The following ANK3 variants were observed in gnomAD, a reference collection of about 807,000 sequenced individuals.
ANK3 encodes ankyrin 3.
ANK3 carries 57 observed loss-of-function variants against 370.9 expected under a neutral mutation model. The observed-to-expected ratio is 0.15, with a 90% CI of 0.12 to 0.19. The LOEUF (loss-of-function observed/expected upper bound fraction) is 0.19, where lower values mean the gene tolerates loss of function less well. Among genes scored for constraint, ANK3 ranks in the 10% least tolerant of loss-of-function variants. The pLI is 1.00. For synonymous variants in ANK3, 1,929 were observed against 1,946.3 expected (o/e 0.99, Z 0.23); for missense variants, 4,439 against 5,302.1 (o/e 0.84, Z 5.06).
chr10:60,662,555 A>G (rs2078948115), intron 1 of ANK3, among the ~76,000 whole-genome samples: 2 of 152,200 alleles, frequency 1.3e-5, no homozygotes, highest in Non-Finnish European at 2.9e-5. Context: ...CACATTCATT[A>G]TTGTCTGTCA....
rs540687307 is a variant in ANK3 at position 60,429,123 on chromosome 10, C to T, written c.97-149484G>A. On this transcript the variant is annotated intron_variant, in intron 2 of 43. Coordinates refer to the ANK3 transcript ENST00000373827. Reference sequence around the variant, plus strand: ...AGGTATTTTATGACAGGCAAAAACCCAAGGGAATTCCAGAGCCTGCTGATA... The same window carrying T: ...AGGTATTTTATGACAGGCAAAAACCTAAGGGAATTCCAGAGCCTGCTGATA... Among the ~76,000 whole-genome samples, 4 of 152,228 alleles carry T rather than the reference C, an allele frequency of 2.6e-5. No individual in the cohort carries two copies. The East Asian group carries it at 7.7e-4, about 29-fold the overall frequency.
chr10:60,350,836 ATG>A (rs1371666124), intron 1 of ANK3, among the ~76,000 whole-genome samples: 40 of 152,140 alleles, frequency 2.6e-4, no homozygotes, highest in Non-Finnish European at 5.6e-4. Context: ...AAAGGTAATG[ATG>A]CTGCTGCTGC....
At chr10:60,240,153 T>TACATATATAC (rs1400607162) in intron 7 of ANK3, among the ~76,000 whole-genome samples, 13,909 of 132,122 alleles carry the variant, frequency 0.11, 1,087 homozygotes, top group East Asian at 0.28. Context: ...CACATATATA[T>TACATATATAC]ACATATATAC....
At chr10:60,172,446 T>C in intron 20 of ANK3, 43 bp from the exon 21 acceptor site, 1 of 1,546,778 alleles carries the variant, frequency 6.5e-7, no homozygotes, top group Admixed American at 1.7e-5. Context: ...CAAGCCTTAT[T>C]CCACATTTTT....
At chr10:60,111,780 T>C (rs1434208569) in intron 26 of ANK3, 3 of 455,978 alleles carry the variant, frequency 6.6e-6, no homozygotes, top group East Asian at 7.0e-5. Context: ...CAAAATAATT[T>C]AGAAAGCAAA....
At chr10:60,610,338 C>T (rs901376314) in intron 2 of ANK3, among the ~76,000 whole-genome samples, 4 of 151,894 alleles carry the variant, frequency 2.6e-5, no homozygotes, top group Non-Finnish European at 5.9e-5. Context: ...ATGGTGAAAC[C>T]CTGTCTCTCT....
At chr10:60,290,760 C>A (rs1417208827) in intron 1 of ANK3, among the ~76,000 whole-genome samples, 1 of 152,112 alleles carries the variant, frequency 6.6e-6, no homozygotes, top group Non-Finnish European at 1.5e-5. Context: ...ACATTTCAAA[C>A]CTGCTGGGGT....
chr10:60,597,502 G>A (rs2133300575), intron 2 of ANK3, among the ~76,000 whole-genome samples: 1 of 152,306 alleles, frequency 6.6e-6, no homozygotes, highest in East Asian at 1.9e-4. Context: ...CCAGTGACCA[G>A]TCAAGCGATG....
At chr10:60,172,878 T>C (rs2095831555) in intron 20 of ANK3, 22 bp downstream of exon 20, 2 of 1,537,518 alleles carry the variant, frequency 1.3e-6, no homozygotes, top group South Asian at 1.1e-5. Flanking sequence ...CCTCTTCTCC[T>C]GAGCTGGCCC....
At chr10:60,363,383 A>G (rs1466173522) in intron 1 of ANK3, among the ~76,000 whole-genome samples, 1 of 152,238 alleles carries the variant, frequency 6.6e-6, no homozygotes, top group African/African-American at 2.4e-5. Flanking sequence ...ACGCACTGCT[A>G]TTTGTAGCTA....
intron 1 of ANK3, among the ~76,000 whole-genome samples, chr10:60,372,868 T>A (rs1469361309): frequency 6.6e-6 from 1 of 152,116 alleles, no homozygotes; most frequent in Non-Finnish European, 1.5e-5. Flanking sequence ...AAATCATCCA[T>A]TTACTCACTC....
At chr10:60,730,254 C>G (rs2080002369) in intron 1 of ANK3, among the ~76,000 whole-genome samples, 1 of 152,008 alleles carries the variant, frequency 6.6e-6, no homozygotes, top group South Asian at 2.1e-4. Context: ...ACCTCCCAGG[C>G]CCAAGTGATC....
intron 2 of ANK3, among the ~76,000 whole-genome samples, chr10:60,489,128 C>A (rs367852325): frequency 6.6e-6 from 1 of 152,176 alleles, no homozygotes; most frequent in African/African-American, 2.4e-5. Flanking sequence ...AATGTATAAT[C>A]CAAAAGAGGC....
At chr10:60,203,236 C>G in intron 11 of ANK3, 136 bp from the exon 12 acceptor site, 3 of 536,618 alleles carry the variant, frequency 5.6e-6, no homozygotes, top group Non-Finnish European at 1.0e-5. Context: ...GGACATTCAC[C>G]ATTATGTTAC....
chr10:60,594,860 T>C (rs1453423076), intron 2 of ANK3, among the ~76,000 whole-genome samples: 1 of 152,134 alleles, frequency 6.6e-6, no homozygotes, highest in Non-Finnish European at 1.5e-5. Context: ...GAGTAATGCA[T>C]GTTCTCTGGC....
intron 2 of ANK3, among the ~76,000 whole-genome samples, chr10:60,488,956 C>T (rs1288820419): frequency 1.3e-5 from 2 of 152,156 alleles, no homozygotes; most frequent in East Asian, 3.8e-4. Flanking sequence ...TGCTCATTTT[C>T]ATGAATAGAT....
chr10:60,251,567 C>A (rs2097666194), intron 7 of ANK3, among the ~76,000 whole-genome samples: 2 of 152,166 alleles, frequency 1.3e-5, no homozygotes, highest in African/African-American at 4.8e-5. Flanking sequence ...ATTTTCAAAT[C>A]TTTTAAGGCA....
chr10:60,190,529 G>T (rs2132381163), intron 16 of ANK3, among the ~76,000 whole-genome samples: 1 of 152,112 alleles, frequency 6.6e-6, no homozygotes, highest in Admixed American at 6.5e-5. Context: ...ACCTTTTTTT[G>T]CACATAGAAG....
chr10:60,333,470 G>A (rs879989725), intron 1 of ANK3, among the ~76,000 whole-genome samples: 1 of 152,262 alleles, frequency 6.6e-6, no homozygotes, highest in South Asian at 2.1e-4. Flanking sequence ...CCCTGCAAAG[G>A]ACATGAACTC....
Sources: allele counts gnomAD v4.1 joint callset (sites outside exome capture counted in the v4.1 genomes callset), GRCh38; gene constraint gnomAD v4.1.1; transcripts MANE v1.5; gene names NCBI Gene and HGNC (gene_info 2026-07-23, HGNC 2026-07-21).